DIP2B: variants seen among roughly 807,000 people sequenced by gnomAD.
The protein encoded by DIP2B is disco-interacting protein 2 homolog B.
DIP2B carries 76 observed loss-of-function variants against 198.0 expected under a neutral mutation model. The observed-to-expected ratio is 0.38, with a 90% CI of 0.32 to 0.46. The LOEUF is 0.46. DIP2B is among the 20% of genes least tolerant of loss of function. DIP2B has a pLI of 0.99. For synonymous variants in DIP2B, 701 were observed against 739.1 expected, an observed-to-expected ratio of 0.95 and a Z score of 0.84; for missense variants, 1,559 against 1,978.4, an observed-to-expected ratio of 0.79 and a Z score of 4.02.
chr12:50,690,924 A>T (rs1939212519), intron 12 of DIP2B, 125 bp from the exon 13 acceptor site: 1 of 710,800 alleles, frequency 1.4e-6, no homozygotes, highest in East Asian at 2.8e-5. Context: ...TTAAATATTC[A>T]TATTAAACAT....
chr12:50,641,774 C>G (rs570749696), intron 3 of DIP2B, among the ~76,000 whole-genome samples: 1 of 152,180 alleles, frequency 6.6e-6, no homozygotes, highest in South Asian at 2.1e-4. Context: ...TGGTAGATCC[C>G]TAGAGCACGT....
At chr12:50,689,735 T>C (rs1161190079) in intron 12 of DIP2B, among the ~76,000 whole-genome samples, 1 of 151,930 alleles carries the variant, frequency 6.6e-6, no homozygotes, top group African/African-American at 2.4e-5. Context: ...GGGTTGAAGA[T>C]AGAGAACAAG....
intron 17 of DIP2B, among the ~76,000 whole-genome samples, chr12:50,697,642 G>C (rs1379942272): frequency 7.4e-6 from 1 of 135,438 alleles, no homozygotes; most frequent in Non-Finnish European, 1.5e-5. Flanking sequence ...CAGTCCTCCT[G>C]CCTCAACTTC....
chr12:50,674,369 C>G lies in DIP2B; in HGVS notation c.641-105C>G, dbSNP rs1055557396. ...ATGTTGTTTTACAAGAGCCAGTGCC[C>G]CCATTTATGTACTTTTCTTCCTTGT... On this transcript the variant is annotated intron_variant, in intron 5 of 37. Coordinates refer to ENST00000301180, the MANE Select transcript of DIP2B (RefSeq NM_173602.3). The G allele has an allele frequency of 2.2e-5, 26 of 1,195,754 alleles. No homozygotes were observed. In the Middle Eastern group the frequency reaches 6.6e-4, roughly 30 times the overall value. The allele number at this position is 1,195,754 out of a possible 1,614,324, so 74.1% of individuals were successfully genotyped here.
At chr12:50,605,462 C>T (rs1363756529) in intron 1 of DIP2B, among the ~76,000 whole-genome samples, 1 of 152,092 alleles carries the variant, frequency 6.6e-6, no homozygotes, top group African/African-American at 2.4e-5. Flanking sequence ...ACTGGGGAGG[C>T]TGAGCTGGGA....
At chr12:50,526,626 CT>C (rs11423846) in intron 1 of DIP2B, among the ~76,000 whole-genome samples, 3 of 64,194 alleles carry the variant, frequency 4.7e-5, no homozygotes, top group African/African-American at 2.1e-4. Context: ...TTTCCTCTGC[CT>C]TTTTTTTTTT....
chr12:50,566,269 G>A (rs911946897), intron 1 of DIP2B, among the ~76,000 whole-genome samples: 6 of 151,934 alleles, frequency 3.9e-5, no homozygotes, highest in Non-Finnish European at 7.4e-5. Flanking sequence ...TAAACTCCTG[G>A]GCTCAAGGAG....
chr12:50,610,002 A>T (rs1182849556), intron 1 of DIP2B, among the ~76,000 whole-genome samples: 1 of 152,232 alleles, frequency 6.6e-6, no homozygotes, highest in African/African-American at 2.4e-5. Context: ...AAGTATTTTT[A>T]ATGCAGGAAT....
At chr12:50,744,505 A>G in intron 37 of DIP2B, 82 bp from the exon 38 acceptor site, 4 of 1,568,604 alleles carry the variant, frequency 2.6e-6, no homozygotes, top group Non-Finnish European at 3.5e-6. Flanking sequence ...AGGCGGGGAA[A>G]TGGGCTAAGT....
At chr12:50,513,873 C>CAAAAA (rs58479646) in intron 1 of DIP2B, among the ~76,000 whole-genome samples, 1 of 127,120 alleles carries the variant, frequency 7.9e-6, no homozygotes, top group Non-Finnish European at 1.7e-5. Context: ...GACTCCGTCT[C>CAAAAA]AAAAAAAAAA....
chr12:50,727,657 G>C (rs1285724861), intron 28 of DIP2B, 46 bp from the exon 29 acceptor site: 2 of 1,539,330 alleles, frequency 1.3e-6, no homozygotes, highest in Non-Finnish European at 1.8e-6. Flanking sequence ...TGATTTTCAT[G>C]TTCCAGCATG....
rs1164251329 is a variant in DIP2B at position 50,747,389 on chromosome 12, T to C, written c.*2550T>C. 6.6e-6 allele frequency: 1 copy of C among 152,164 alleles called. No individual in the cohort carries two copies. The highest frequency in any genetic ancestry group is 1.9e-4 in the East Asian group (1 of 5,190). 9.4% of individuals were successfully genotyped at this position (152,164 alleles called of 1,614,324 possible). ...TTCTGCTTTATTGATCTTTTGCATG[T>C]CCCCCAAAGCCAGAATCTGCTCATG... On this transcript the variant is annotated 3_prime_UTR_variant, in exon 38 of 38. Coordinates refer to ENST00000301180, the MANE Select transcript of DIP2B (RefSeq NM_173602.3).
rs35206160 is a variant in DIP2B, at chr12:50,508,712, C to CTT, written c.100+3483_100+3484dup. Among the ~76,000 whole-genome samples, 214 of 146,866 alleles carry CTT rather than the reference C, an allele frequency of 1.5e-3. 2 individuals are homozygous for CTT. Among genetic ancestry groups the CTT allele is most frequent in the Middle Eastern group, 3.5e-3 (1 of 286 alleles). Reference sequence around the variant, plus strand: ...AATTTTTTCTCTAAGGAAATGCTACCTTTTTTTTTTTTGCGATGGAGTTTC... The same window carrying CTT: ...AATTTTTTCTCTAAGGAAATGCTACCTTTTTTTTTTTTTTGCGATGGAGTTTC... On this transcript the variant is annotated intron_variant, in intron 1 of 37. Transcript: ENST00000301180.
chr12:50,522,958 A>T (rs1199197800), intron 1 of DIP2B, among the ~76,000 whole-genome samples: 1 of 152,212 alleles, frequency 6.6e-6, no homozygotes, highest in Non-Finnish European at 1.5e-5. Context: ...TTTTATTTAT[A>T]AAAGTGTTAA....
intron 3 of DIP2B, among the ~76,000 whole-genome samples, chr12:50,652,688 T>C (rs1254102991): frequency 1.3e-5 from 2 of 152,178 alleles, no homozygotes; most frequent in Non-Finnish European, 1.5e-5. Flanking sequence ...AGGGATTCCA[T>C]TGAATCTTTA....
intron 4 of DIP2B, among the ~76,000 whole-genome samples, chr12:50,662,320 A>G (rs954631795): frequency 2.6e-5 from 4 of 152,188 alleles, no homozygotes; most frequent in Non-Finnish European, 5.9e-5. Flanking sequence ...TAGAAGAGGA[A>G]TTCTCTCACA....
chr12:50,707,517 C>T (rs1429459757), intron 21 of DIP2B, among the ~76,000 whole-genome samples: 1 of 152,222 alleles, frequency 6.6e-6, no homozygotes, highest in Non-Finnish European at 1.5e-5. Context: ...CCCATTCTTT[C>T]ATGCATTCAT....
At position 50,660,220 on chromosome 12, in the gene DIP2B, G is replaced by A; in HGVS notation, c.328G>A (p.Ala110Thr). 2 of 1,612,012 alleles carry A rather than the reference G, an allele frequency of 1.2e-6. No individual in the cohort carries two copies. Among genetic ancestry groups the A allele is most frequent in the South Asian group, 2.2e-5 (2 of 90,462 alleles). Reference protein sequence around the residue: ...SDIHTEAVQAALAKHKEQKMA... With the variant: ...SDIHTEAVQATLAKHKEQKMA... Reference sequence around the variant, plus strand: ...TATCCACACAGAAGCAGTTCAGGCTGCACTGGCAAAGCATAAAGAACAGAA... The same window carrying A: ...TATCCACACAGAAGCAGTTCAGGCTACACTGGCAAAGCATAAAGAACAGAA... Residue 110 changes from alanine (A) to threonine (T), a missense_variant, in exon 4 of 38, where the codon GCA (alanine) becomes ACA (threonine). Ala to Thr is a moderately conservative substitution (Grantham distance 58). Coordinates refer to ENST00000301180, the MANE Select transcript of DIP2B (RefSeq NM_173602.3).
chr12:50,668,194 T>G (rs1287630066), intron 4 of DIP2B, among the ~76,000 whole-genome samples: 1 of 152,206 alleles, frequency 6.6e-6, no homozygotes, highest in Non-Finnish European at 1.5e-5. Context: ...TAGGTCTTAC[T>G]TCCTTGGGTG....
Sources: gnomAD v4.1 joint callset for allele counts (sites outside exome capture counted in the v4.1 genomes callset) on GRCh38, gnomAD v4.1.1 for gene constraint, MANE v1.5 for transcripts, NCBI Gene and HGNC (gene_info 2026-07-23, HGNC 2026-07-21) for gene names.